The following PDS5B variants were observed in gnomAD, a reference collection of about 807,000 sequenced individuals.
PDS5B encodes PDS5 cohesin associated factor B.
Under a neutral mutation model 184.1 loss-of-function variants are expected in PDS5B, and 51 were observed. The ratio of observed to expected loss-of-function variants is 0.28; its 90% CI spans 0.22 to 0.35. The LOEUF is 0.35. Ranked by LOEUF, PDS5B falls within the 10% of genes least tolerant of loss-of-function variation. The probability of loss-of-function intolerance (pLI) is 1.00; values close to 1 mark genes in which losing one functional copy is unlikely to be tolerated. For synonymous variants in PDS5B, 566 were observed against 569.2 expected (o/e 0.99, Z 0.08); for missense variants, 1,180 against 1,723.3 (o/e 0.68, Z 5.58).
At chr13:32,612,481 C>T (rs1273940372) in intron 1 of PDS5B, among the ~76,000 whole-genome samples, 1 of 152,138 alleles carries the variant, frequency 6.6e-6, no homozygotes, top group Non-Finnish European at 1.5e-5. Flanking sequence ...GTTGTACATC[C>T]ATCACCACAA....
chr13:32,640,954 G>C (rs1228560534), intron 1 of PDS5B, among the ~76,000 whole-genome samples: 1 of 151,800 alleles, frequency 6.6e-6, no homozygotes, highest in Non-Finnish European at 1.5e-5. Flanking sequence ...CTACTCGGGA[G>C]GCTGAGGCAG....
intron 25 of PDS5B, 64 bp downstream of exon 25, chr13:32,753,600 T>C (rs2140999248): frequency 9.7e-7 from 1 of 1,026,640 alleles, no homozygotes; most frequent in Admixed American, 2.3e-5. Context: ...TTATAGAATA[T>C]AGCATGATAT....
At chr13:32,603,672 T>C (rs1418353788) in intron 1 of PDS5B, among the ~76,000 whole-genome samples, 5 of 152,230 alleles carry the variant, frequency 3.3e-5, no homozygotes, top group Non-Finnish European at 5.9e-5. Context: ...ATTCAATCTA[T>C]AAATTACCTT....
intron 1 of PDS5B, among the ~76,000 whole-genome samples, chr13:32,615,109 A>T (rs1479047205): frequency 6.6e-6 from 1 of 152,150 alleles, no homozygotes; most frequent in East Asian, 1.9e-4. Context: ...AATTATTATT[A>T]CCCCAAGGGT....
intron 1 of PDS5B, among the ~76,000 whole-genome samples, chr13:32,632,066 A>C (rs2058464608): frequency 6.6e-6 from 1 of 152,262 alleles, no homozygotes. Context: ...AAATGAGCTC[A>C]AAATGATCAA....
intron 6 of PDS5B, among the ~76,000 whole-genome samples, chr13:32,660,810 C>CT (rs796304272): frequency 1.3e-4 from 20 of 149,144 alleles, no homozygotes; most frequent in African/African-American, 4.9e-4. Flanking sequence ...CTTCCTGTCT[C>CT]TAAGTACAGG....
At position 32,597,598 on chromosome 13, in the gene PDS5B, G is replaced by A. The variant is rs182120870; in HGVS notation, c.-20+11005G>A. ...CCGAGCACTTTGGGAGGCTGAGGCCGAGGGGGGGGCGGCAGGGGGTGCGGG... is the reference window on the plus strand; with the variant it reads ...CCGAGCACTTTGGGAGGCTGAGGCCAAGGGGGGGGCGGCAGGGGGTGCGGG... On this transcript the variant is annotated intron_variant, in intron 1 of 34. Transcript: ENST00000315596. Among the ~76,000 whole-genome samples, 411 of 151,882 alleles carry A rather than the reference G, an allele frequency of 2.7e-3. 2 individuals carry two copies. The highest frequency in any genetic ancestry group is 6.8e-3 in the Middle Eastern group (2 of 294).
intron 1 of PDS5B, among the ~76,000 whole-genome samples, chr13:32,617,318 A>G (rs537703537): frequency 7.2e-5 from 11 of 152,338 alleles, no homozygotes; most frequent in African/African-American, 2.4e-4. Context: ...TATTGTAGTT[A>G]CATTATCAGA....
rs1180458874 is a variant in PDS5B, at chr13:32,759,672, A to G, written c.3354A>G (p.Ser1118=). Residue 1118 remains serine (S), a synonymous_variant, in exon 29 of 35, where the codon TCA becomes TCG. Transcript: ENST00000315596. ...ATTATCTGCCTCCTGAAATGAAATC[A>G]TTTTTCACTCCTGGAAAAGTATGTT... ...TKNYLPPEMK[S]FFTPGKPKTT... 3 of 1,558,318 alleles carry G rather than the reference A, an allele frequency of 1.9e-6. No individual in the cohort carries two copies. The highest frequency in any genetic ancestry group is 2.6e-6 in the Non-Finnish European group (3 of 1,138,658).
At chr13:32,747,608 T>G (rs999209001) in intron 24 of PDS5B, among the ~76,000 whole-genome samples, 4 of 151,534 alleles carry the variant, frequency 2.6e-5, no homozygotes, top group Non-Finnish European at 5.9e-5. Context: ...AAAAAAAATT[T>G]GGGGGGAGCC....
intron 13 of PDS5B, among the ~76,000 whole-genome samples, chr13:32,691,570 G>A (rs749337197): frequency 7.9e-5 from 12 of 152,002 alleles, no homozygotes; most frequent in Admixed American, 1.3e-4. Context: ...GCTACTTATT[G>A]AAATCACCCT....
At chr13:32,628,095 A>G (rs191240336) in intron 1 of PDS5B, among the ~76,000 whole-genome samples, 2 of 152,338 alleles carry the variant, frequency 1.3e-5, no homozygotes, top group Admixed American at 6.5e-5. Context: ...AGGATAGGCA[A>G]TCCATAATAC....
chr13:32,587,952 A>G (rs1201484375), intron 1 of PDS5B, among the ~76,000 whole-genome samples: 3 of 152,236 alleles, frequency 2.0e-5, no homozygotes, highest in South Asian at 2.1e-4. Context: ...TACATACAGG[A>G]GGCGAGCTGT....
chr13:32,770,762 G>GT lies in PDS5B; in HGVS notation c.4172+2dup, dbSNP rs1566433278. ...CACCATCACAACCAAAAAAAAATGT[G>GT]TAAGTTGTAAATATTACATTTCAAA... On this transcript the variant is annotated splice_donor_variant, in intron 33 of 34. Transcript: ENST00000315596. LOFTEE classifies it high-confidence loss of function. 6.3e-7 allele frequency: 1 copy of GT among 1,590,176 alleles called. No individual in the cohort carries two copies. The highest frequency in any genetic ancestry group is 1.1e-5 in the South Asian group (1 of 87,842).
chr13:32,606,556 C>T (rs991462366), intron 1 of PDS5B, among the ~76,000 whole-genome samples: 1 of 152,106 alleles, frequency 6.6e-6, no homozygotes, highest in Non-Finnish European at 1.5e-5. Flanking sequence ...TGGAGTTGCC[C>T]TTCTCGAGGA....
intron 33 of PDS5B, among the ~76,000 whole-genome samples, chr13:32,771,806 T>A (rs1270271803): frequency 6.6e-6 from 1 of 152,166 alleles, no homozygotes; most frequent in Non-Finnish European, 1.5e-5. Context: ...ACATGAATGA[T>A]GTAACAAGGA....
intron 6 of PDS5B, among the ~76,000 whole-genome samples, chr13:32,665,287 G>C (rs1473924031): frequency 6.6e-6 from 1 of 152,062 alleles, no homozygotes; most frequent in Admixed American, 6.6e-5. Context: ...TTAAAATTTT[G>C]TTTGAAAATA....
intron 22 of PDS5B, among the ~76,000 whole-genome samples, chr13:32,741,699 C>CTGTGTGTGTGTGTGTGTGTGTGTG (rs3050179): frequency 7.2e-6 from 1 of 139,178 alleles, no homozygotes; most frequent in Non-Finnish European, 1.6e-5. Flanking sequence ...CCCTTTCAGT[C>CTGTGTGTGTGTGTGTGTGTGTGTG]TGTGTGTGTG....
At chr13:32,716,935 T>C (rs7998267) in intron 19 of PDS5B, among the ~76,000 whole-genome samples, 82,186 of 82,320 alleles carry the variant, frequency 1, 41,036 homozygotes, top group Middle Eastern at 1. Flanking sequence ...AGGAGCCCTT[T>C]TGCCCGGCCA....
Sources: allele counts gnomAD v4.1 joint callset (sites outside exome capture counted in the v4.1 genomes callset), GRCh38; gene constraint gnomAD v4.1.1; transcripts MANE v1.5; gene names NCBI Gene and HGNC (gene_info 2026-07-23, HGNC 2026-07-21).